The following PREX2 variants were observed in gnomAD, a reference collection of about 807,000 sequenced individuals.
The protein encoded by PREX2 is phosphatidylinositol-3,4,5-trisphosphate dependent Rac exchange factor 2.
PREX2 carries 107 observed loss-of-function variants against 203.2 expected under a neutral mutation model. The ratio of observed to expected loss-of-function variants is 0.53; its 90% confidence interval spans 0.45 to 0.62. The LOEUF is 0.62. PREX2 is among the 20% of genes least tolerant of loss of function. The pLI, the probability that PREX2 is intolerant of heterozygous loss-of-function variation, is 0.00. For synonymous variants in PREX2, 672 were observed against 663.6 expected (o/e 1.01, Z -0.19); for missense variants, 1,777 against 1,955.9 (o/e 0.91, Z 1.72).
At chr8:68,108,384 A>G in intron 24 of PREX2, 53 bp downstream of exon 24, 1 of 1,266,820 alleles carries the variant, frequency 7.9e-7, no homozygotes, top group Non-Finnish European at 1.1e-6. Context: ...TTAGGCAATC[A>G]TAGCTATTCA....
rs201380352 is a variant in PREX2, at chr8:68,053,088, A to G, written c.944-9A>G. On this transcript the variant is annotated splice_polypyrimidine_tract_variant and intron_variant, in intron 8 of 39. Transcript: ENST00000288368. ...TTTTGTTCATTTGCCTTTACCCATT[A>G]ATTTACAGCTGATTTCCATAGCAGT... The G allele has an allele frequency of 1.2e-6, 2 of 1,609,812 alleles. No individual in the cohort carries two copies. The highest frequency in any genetic ancestry group is 1.7e-4 in the Middle Eastern group (1 of 5,940).
chr8:68,117,766 A>AAAAG, intron 26 of PREX2, among the ~76,000 whole-genome samples: 1 of 152,292 alleles, frequency 6.6e-6, no homozygotes, highest in East Asian at 1.9e-4. Flanking sequence ...ATTATCAAGC[A>AAAAG]CTTCCCTGTG....
intron 1 of PREX2, among the ~76,000 whole-genome samples, chr8:67,982,965 A>G (rs966065837): frequency 6.6e-6 from 1 of 152,194 alleles, no homozygotes; most frequent in African/African-American, 2.4e-5. Context: ...GAATACCTCA[A>G]TTTCGGTATG....
intron 11 of PREX2, among the ~76,000 whole-genome samples, chr8:68,068,761 A>C (rs536660460): frequency 6.6e-6 from 1 of 152,230 alleles, no homozygotes; most frequent in East Asian, 1.9e-4. Context: ...TCATGTACAT[A>C]TATAAATACA....
At chr8:68,157,063 T>C (rs1022399381) in intron 34 of PREX2, among the ~76,000 whole-genome samples, 5 of 152,170 alleles carry the variant, frequency 3.3e-5, no homozygotes, top group Non-Finnish European at 5.9e-5. Flanking sequence ...CCACAACATA[T>C]ACAAAATGTT....
At chr8:68,066,039 T>C (rs551471035) in intron 11 of PREX2, among the ~76,000 whole-genome samples, 1 of 152,272 alleles carries the variant, frequency 6.6e-6, no homozygotes, top group South Asian at 2.1e-4. Flanking sequence ...TTTTTTGTGG[T>C]GAGAACATTT....
At chr8:68,175,812 A>G (rs1442932464) in intron 35 of PREX2, among the ~76,000 whole-genome samples, 1 of 152,068 alleles carries the variant, frequency 6.6e-6, no homozygotes, top group Admixed American at 6.6e-5. Context: ...AATATATAGT[A>G]CATAATATTA....
At chr8:67,987,899 G>T (rs1806482138) in intron 1 of PREX2, among the ~76,000 whole-genome samples, 1 of 143,900 alleles carries the variant, frequency 6.9e-6, no homozygotes, top group South Asian at 2.3e-4. Flanking sequence ...CTCAGGAATT[G>T]TGGCAGCCAG....
At chr8:68,042,872 C>G (rs955047076) in intron 7 of PREX2, among the ~76,000 whole-genome samples, 1 of 151,944 alleles carries the variant, frequency 6.6e-6, no homozygotes, top group Non-Finnish European at 1.5e-5. Flanking sequence ...AAAACCCATA[C>G]AGAGTTCACA....
chr8:68,218,949 G>A (rs1812899197), intron 38 of PREX2, among the ~76,000 whole-genome samples: 1 of 152,146 alleles, frequency 6.6e-6, no homozygotes, highest in Non-Finnish European at 1.5e-5. Context: ...GTTTAGGAAG[G>A]ACTTTTTGGA....
At chr8:68,126,793 T>C (rs1321480256) in intron 30 of PREX2, among the ~76,000 whole-genome samples, 1 of 152,056 alleles carries the variant, frequency 6.6e-6, no homozygotes, top group Admixed American at 6.6e-5. Flanking sequence ...CATACACATT[T>C]ATCAAACATC....
intron 35 of PREX2, among the ~76,000 whole-genome samples, chr8:68,173,640 G>A (rs999762600): frequency 1.3e-5 from 2 of 152,082 alleles, no homozygotes; most frequent in Non-Finnish European, 2.9e-5. Flanking sequence ...TTTTAGGTAA[G>A]GGCAACAAAT....
intron 26 of PREX2, among the ~76,000 whole-genome samples, chr8:68,118,309 C>T (rs1040737845): frequency 2.7e-5 from 4 of 150,290 alleles, no homozygotes; most frequent in Non-Finnish European, 4.4e-5. Flanking sequence ...GAGCCGAGAT[C>T]GCACCACTGC....
At chr8:67,963,264 G>A (rs1805680020) in intron 1 of PREX2, among the ~76,000 whole-genome samples, 1 of 152,132 alleles carries the variant, frequency 6.6e-6, no homozygotes, top group South Asian at 2.1e-4. Context: ...GGCAGGTGAT[G>A]GGGCAGCAAT....
chr8:67,953,722 G>T (rs1397521242), intron 1 of PREX2, among the ~76,000 whole-genome samples: 1 of 152,176 alleles, frequency 6.6e-6, no homozygotes, highest in East Asian at 1.9e-4. Flanking sequence ...TACAGGCTGC[G>T]TTATGGTTGA....
chr8:68,013,202 G>A (rs1027697413), intron 1 of PREX2, among the ~76,000 whole-genome samples: 5 of 152,116 alleles, frequency 3.3e-5, no homozygotes, highest in South Asian at 2.1e-4. Flanking sequence ...TGTGGGAGAC[G>A]GACAGTAAAC....
chr8:68,023,568 T>C (rs1413981165), intron 4 of PREX2, among the ~76,000 whole-genome samples: 3 of 152,132 alleles, frequency 2.0e-5, no homozygotes, highest in Non-Finnish European at 2.9e-5. Flanking sequence ...GTGTTGTTTG[T>C]CTGTTCATTT....
intron 1 of PREX2, among the ~76,000 whole-genome samples, chr8:67,991,905 A>T (rs1806620050): frequency 6.6e-6 from 1 of 152,256 alleles, no homozygotes; most frequent in Non-Finnish European, 1.5e-5. Flanking sequence ...TATATTTTTA[A>T]ACAGGAATCC....
chr8:68,028,650 G>A (rs145376149), intron 5 of PREX2, among the ~76,000 whole-genome samples: 2,114 of 152,022 alleles, frequency 0.014, 27 homozygotes, highest in Middle Eastern at 0.024. Flanking sequence ...TGCAGAGGGA[G>A]TATTGTTGCA....
Sources: gnomAD v4.1 joint callset for allele counts (sites outside exome capture counted in the v4.1 genomes callset) on GRCh38, gnomAD v4.1.1 for gene constraint, MANE v1.5 for transcripts, NCBI Gene and HGNC (gene_info 2026-07-23, HGNC 2026-07-21) for gene names.